RPL34: variants seen among roughly 807,000 people sequenced by gnomAD.
RPL34 encodes ribosomal protein L34.
In RPL34, 2 loss-of-function variants were observed where a neutral mutation model predicts 16.3. The ratio of observed to expected loss-of-function variants is 0.12; its 90% CI spans 0.05 to 0.39. RPL34 has a LOEUF of 0.39. RPL34 is among the 10% of genes least tolerant of loss of function. The pLI, the probability that RPL34 is intolerant of heterozygous loss-of-function variation, is 0.99. For synonymous variants in RPL34, 47 were observed against 48.5 expected (o/e 0.97, Z 0.13); for missense variants, 82 against 148.8 (o/e 0.55, Z 2.33).
chr4:108,629,174 A>G (rs1437757223), downstream of RPL34, among the ~76,000 whole-genome samples: 9 of 152,200 alleles, frequency 5.9e-5, no homozygotes, highest in East Asian at 1.7e-3. Flanking sequence ...TTTTCCATGA[A>G]TAAAATAGAC....
At chr4:108,628,918 G>A (rs1272849355), downstream of RPL34, among the ~76,000 whole-genome samples, 1 of 152,120 alleles carries the variant, frequency 6.6e-6, no homozygotes, top group African/African-American at 2.4e-5. Context: ...CACCTCCTGG[G>A]TTTAAGCCAT....
In RPL34 at chr4:108,625,263, A is replaced by G. The variant is rs1725960467; in HGVS notation, c.*51A>G. ...AAAATGAAAAGACGCTGTATGTATG[A>G]CTTTTTTTTTTTCTGTTGTAATGTG... On this transcript the variant is annotated 3_prime_UTR_variant, in exon 5 of 5. Transcript: ENST00000394667. The G allele has an allele frequency of 1.8e-6, 2 of 1,138,194 alleles. No individual in the cohort carries two copies. Among genetic ancestry groups the G allele is most frequent in the Non-Finnish European group, 2.6e-6 (2 of 778,480 alleles). 70.5% of individuals were successfully genotyped at this position (1,138,194 alleles called of 1,614,324 possible).
At position 108,625,256 on chromosome 4, in the gene RPL34, ATGT is replaced by A. The variant is rs1376055730; in HGVS notation, c.*45_*47del. ...AGTAATAAAAATGAAAAGACGCTGT[ATGT>A]ATGACTTTTTTTTTTTCTGTTGTAA... On this transcript the variant is annotated 3_prime_UTR_variant, in exon 5 of 5. Coordinates refer to ENST00000394667, the MANE Select transcript of RPL34 (RefSeq NM_001319236.2). 8.3e-7 allele frequency: 1 copy of A among 1,209,852 alleles called. No individual in the cohort carries two copies. The highest frequency in any genetic ancestry group is 1.3e-5 in the South Asian group (1 of 75,444). 74.9% of individuals were successfully genotyped at this position (1,209,852 alleles called of 1,614,324 possible).
chr4:108,622,152 T>C lies in RPL34; in HGVS notation c.113T>C (p.Val38Ala). ...ATTGTTTACCTTTATACCAAGAAGGTTGGGAAAGCACCAAAATCTGCATGT... is the reference window on the plus strand; with the variant it reads ...ATTGTTTACCTTTATACCAAGAAGGCTGGGAAAGCACCAAAATCTGCATGT... The part of the protein sequence containing the change: ...NRIVYLYTKK[V>A]GKAPKSACGV... The change falls in exon 3 of 5, where the codon GTT (valine) becomes GCT (alanine). Residue 38 changes from valine (V) to alanine (A), a missense_variant. Val to Ala is a moderately conservative substitution (Grantham distance 64). Transcript: ENST00000394667. 2 of 1,613,854 alleles carry C rather than the reference T, an allele frequency of 1.2e-6. No individual in the cohort carries two copies. The highest frequency in any genetic ancestry group is 1.7e-6 in the Non-Finnish European group (2 of 1,179,992).
chr4:108,626,599 C>T (rs145977592), downstream of RPL34, among the ~76,000 whole-genome samples: 5,702 of 152,092 alleles, frequency 0.037, 148 homozygotes, highest in African/African-American at 0.074. Flanking sequence ...CCACCACACC[C>T]GGCTAATTTT....
Position 108,622,037 on chromosome 4 carries a change from G to GA in RPL34, c.65+17dup. 2 of 1,602,970 alleles carry GA rather than the reference G, an allele frequency of 1.2e-6. No individual in the cohort carries two copies. The highest frequency in any genetic ancestry group is 1.7e-6 in the Non-Finnish European group (2 of 1,170,104). ...ACAAAACTAGGCTGTAAGTATTTCT[G>GA]AAAATTTTAAGTATATATTGTCATT... On this transcript the variant is annotated intron_variant, in intron 2 of 4. Transcript: ENST00000394667.
At chr4:108,620,801 C>G (rs1327009562) in intron 1 of RPL34, 1 of 153,154 alleles carries the variant, frequency 6.5e-6, no homozygotes. Context: ...CCTCCAAAGC[C>G]GTGAGTAGCC....
downstream of RPL34, among the ~76,000 whole-genome samples, chr4:108,625,879 G>A (rs959728122): frequency 1.3e-5 from 2 of 152,000 alleles, no homozygotes; most frequent in African/African-American, 2.4e-5. Context: ...TCTCCTTTAC[G>A]TCAGCAAGTT....
At chr4:108,627,307 G>A (rs1376793225), downstream of RPL34, among the ~76,000 whole-genome samples, 4 of 152,160 alleles carry the variant, frequency 2.6e-5, no homozygotes, top group Admixed American at 6.5e-5. Flanking sequence ...CTCAACACTT[G>A]GGATGCTGAG....
At chr4:108,626,130 C>T (rs571322500), downstream of RPL34, among the ~76,000 whole-genome samples, 82 of 152,180 alleles carry the variant, frequency 5.4e-4, 1 homozygote, top group Non-Finnish European at 1.5e-4. Context: ...CCTCATTTTT[C>T]TTGGGAACTA....
chr4:108,621,892 T>G, intron 1 of RPL34, 59 bp from the exon 2 acceptor site: 1 of 1,142,474 alleles, frequency 8.8e-7, no homozygotes, highest in South Asian at 1.2e-5. Context: ...TGATACTGTT[T>G]TGAGATTTTA....
At chr4:108,628,325 A>G (rs1360947866), downstream of RPL34, among the ~76,000 whole-genome samples, 1 of 151,394 alleles carries the variant, frequency 6.6e-6, no homozygotes, top group Non-Finnish European at 1.5e-5. Flanking sequence ...TCAGGCTTAT[A>G]TATACTGCAC....
intron 4 of RPL34, 60 bp downstream of exon 4, chr4:108,622,678 G>A: frequency 9.5e-7 from 1 of 1,056,990 alleles, no homozygotes; most frequent in Non-Finnish European, 1.4e-6. Context: ...TATACTGTCT[G>A]CTGATCAGTA....
Position 108,622,635 on chromosome 4 carries a change from A to C in RPL34, c.269+17A>C, listed in dbSNP as rs1414137846. ...TCGTGACAGGTAAGTTAAATGCTTAAATGGGCTTTCCTTAGCAAATTATTG... is the reference window on the plus strand; with the variant it reads ...TCGTGACAGGTAAGTTAAATGCTTACATGGGCTTTCCTTAGCAAATTATTG... On this transcript the variant is annotated intron_variant, in intron 4 of 4. Coordinates refer to ENST00000394667, the MANE Select transcript of RPL34 (RefSeq NM_001319236.2). The C allele has an allele frequency of 6.7e-7, 1 of 1,500,678 alleles. No individual in the cohort carries two copies. The highest frequency in any genetic ancestry group is 9.1e-7 in the Non-Finnish European group (1 of 1,097,550). 93.0% of individuals were successfully genotyped at this position (1,500,678 alleles called of 1,614,324 possible). A position where few individuals can be genotyped will look rare whatever the true frequency, so the allele number is the denominator to read the frequency against.
chr4:108,621,174 G>A (rs1235653912), intron 1 of RPL34: 1 of 152,160 alleles, frequency 6.6e-6, no homozygotes, highest in Non-Finnish European at 1.5e-5. Context: ...TTAGTGAGAG[G>A]CTTGTGACAA....
At position 108,625,223 on chromosome 4, in the gene RPL34, C is replaced by T. The variant is rs1725956919; in HGVS notation, c.*11C>T. ...CAGAAAGCTAAATAAAAAAATGAAACTTTTTTGAGTAATAAAAATGAAAAG... is the reference window on the plus strand; with the variant it reads ...CAGAAAGCTAAATAAAAAAATGAAATTTTTTTGAGTAATAAAAATGAAAAG... On this transcript the variant is annotated 3_prime_UTR_variant, in exon 5 of 5. Transcript: ENST00000394667. The T allele has an allele frequency of 3.3e-6, 5 of 1,536,752 alleles. No individual in the cohort carries two copies. The highest frequency in any genetic ancestry group is 4.5e-6 in the Non-Finnish European group (5 of 1,118,158).
chr4:108,625,376 T>C, downstream of RPL34: 1 of 514,692 alleles, frequency 1.9e-6, no homozygotes, highest in Non-Finnish European at 3.5e-6. Context: ...TGTTGTTTGT[T>C]TGTTTTTGGT....
At chr4:108,624,192 A>G (rs898304430) in intron 4 of RPL34, among the ~76,000 whole-genome samples, 2 of 152,212 alleles carry the variant, frequency 1.3e-5, no homozygotes, top group African/African-American at 4.8e-5. Context: ...TAGCCTAGAA[A>G]TTAGCATTGT....
downstream of RPL34, among the ~76,000 whole-genome samples, chr4:108,627,442 A>T (rs947929023): frequency 6.6e-6 from 1 of 152,234 alleles, no homozygotes; most frequent in Non-Finnish European, 1.5e-5. Context: ...ATGGGATTTC[A>T]TAACACCTTT....
Sources: allele counts gnomAD v4.1 joint callset (sites outside exome capture counted in the v4.1 genomes callset), GRCh38; gene constraint gnomAD v4.1.1; transcripts MANE v1.5; gene names NCBI Gene and HGNC (gene_info 2026-07-23, HGNC 2026-07-21).